The following FAM185A variants were observed in gnomAD, a reference collection of about 807,000 sequenced individuals.
FAM185A encodes protein FAM185A.
In FAM185A, 21 loss-of-function variants were observed where a neutral mutation model predicts 45.7. The ratio of observed to expected loss-of-function variants is 0.46; its 90% CI spans 0.33 to 0.66. The LOEUF is 0.66. Among genes scored for constraint, FAM185A ranks in the 30% least tolerant of loss-of-function variants. The pLI is 0.03. For missense variants in FAM185A, 305 were observed against 485.4 expected, an observed-to-expected ratio of 0.63 and a Z score of 3.49; for synonymous variants, 117 against 194.0, an observed-to-expected ratio of 0.60 and a Z score of 3.30.
chr7:102,767,463 A>G (rs1025785449), intron 4 of FAM185A, among the ~76,000 whole-genome samples: 3 of 152,228 alleles, frequency 2.0e-5, no homozygotes, highest in African/African-American at 7.2e-5. Context: ...GAAGAGAGGC[A>G]CACAAATATT....
chr7:102,790,174 C>G (rs1465722156), intron 7 of FAM185A, among the ~76,000 whole-genome samples: 1 of 152,114 alleles, frequency 6.6e-6, no homozygotes, highest in East Asian at 1.9e-4. Context: ...TTCTCATTAT[C>G]AAGTATTATG....
At chr7:102,770,697 T>C (rs1278801479) in intron 4 of FAM185A, among the ~76,000 whole-genome samples, 4 of 151,750 alleles carry the variant, frequency 2.6e-5, no homozygotes, top group African/African-American at 9.7e-5. Context: ...TAAAAATAAG[T>C]AAAAAAACAA....
chr7:102,788,765 C>T (rs1171295937), intron 7 of FAM185A, among the ~76,000 whole-genome samples: 1 of 152,172 alleles, frequency 6.6e-6, no homozygotes, highest in Non-Finnish European at 1.5e-5. Flanking sequence ...GTACAGCCTA[C>T]TATACACCGA....
At chr7:102,805,719 T>G (rs1239360401) in intron 7 of FAM185A, among the ~76,000 whole-genome samples, 1 of 151,272 alleles carries the variant, frequency 6.6e-6, no homozygotes, top group African/African-American at 2.4e-5. Flanking sequence ...AAAATAAAGG[T>G]GGGGAGGCAG....
chr7:102,789,078 A>G (rs1316788023), intron 7 of FAM185A, among the ~76,000 whole-genome samples: 1 of 152,128 alleles, frequency 6.6e-6, no homozygotes, highest in Non-Finnish European at 1.5e-5. Flanking sequence ...CACTAAATTT[A>G]TTTTTAAGTT....
At chr7:102,826,694 C>T in the FAM185A span, among the ~76,000 whole-genome samples, 2 of 130,536 alleles carry the variant, frequency 1.5e-5, no homozygotes, top group South Asian at 2.4e-4. Flanking sequence ...CACTATACTA[C>T]AGCCTGGGAG....
At chr7:102,754,735 A>G (rs1478581848) in intron 2 of FAM185A, among the ~76,000 whole-genome samples, 1 of 152,272 alleles carries the variant, frequency 6.6e-6, no homozygotes, top group African/African-American at 2.4e-5. Context: ...TTGTCCTGAC[A>G]AAACATATGG....
chr7:102,752,269 T>A lies in FAM185A; in HGVS notation c.561+468T>A, dbSNP rs555736017. 7.6e-5 allele frequency among the ~76,000 whole-genome samples: 11 copies of A among 144,094 alleles called. No individual in the cohort carries two copies. The East Asian group carries it at 2.2e-3, about 29-fold the overall frequency. 94.5% of individuals were successfully genotyped at this position (144,094 alleles called of 152,430 possible). On this transcript the variant is annotated intron_variant, in intron 2 of 7. Transcript: ENST00000413034. ...CATATGATTCATCTTGTTTTGTAATTAAAATTTTTTTTTTTTTTTTTGAGA... is the reference window on the plus strand; with the variant it reads ...CATATGATTCATCTTGTTTTGTAATAAAAATTTTTTTTTTTTTTTTTGAGA...
intron 4 of FAM185A, 145 bp downstream of exon 4, chr7:102,761,556 A>G: frequency 2.9e-6 from 2 of 687,070 alleles, no homozygotes; most frequent in Non-Finnish European, 2.1e-6. Context: ...AAAAAAAACC[A>G]TAAAAATAAA....
intron 4 of FAM185A, among the ~76,000 whole-genome samples, chr7:102,766,123 G>A (rs2537449): frequency 0.099 from 15,019 of 151,812 alleles, 101 homozygotes; most frequent in Non-Finnish European, 0.15. Flanking sequence ...GGTTTGCTAG[G>A]ATTGGTTTTA....
Position 102,749,166 on chromosome 7 carries a change from C to T in FAM185A, c.-42C>T. ...GATTGGCCGTGGCAAGTGACCCTCC[C>T]TGTGGCTGAAGTGTTCTGAGGACTG... On this transcript the variant is annotated 5_prime_UTR_variant, in exon 1 of 8. Transcript: ENST00000413034. 6.4e-7 allele frequency: 1 copy of T among 1,550,968 alleles called. No individual in the cohort carries two copies. The highest frequency in any genetic ancestry group is 8.7e-7 in the Non-Finnish European group (1 of 1,146,830).
At chr7:102,789,418 A>G (rs1419600611) in intron 7 of FAM185A, among the ~76,000 whole-genome samples, 1 of 152,222 alleles carries the variant, frequency 6.6e-6, no homozygotes, top group Admixed American at 6.5e-5. Context: ...ATTTTAAAAA[A>G]TTTTTTGAGG....
chr7:102,795,944 C>A (rs1412230499), intron 7 of FAM185A, among the ~76,000 whole-genome samples: 2 of 152,208 alleles, frequency 1.3e-5, no homozygotes, highest in Admixed American at 6.5e-5. Flanking sequence ...TGTAACCCAC[C>A]CAACAGGTTC....
chr7:102,768,842 TGCTTTATTGGAAAGAA>T (rs1315312581), intron 4 of FAM185A, among the ~76,000 whole-genome samples: 1 of 152,136 alleles, frequency 6.6e-6, no homozygotes, highest in Non-Finnish European at 1.5e-5. Context: ...ATCTGGTGTC[TGCTTTATTGGAAAGAA>T]GCTTTTACTA....
At chr7:102,802,779 A>G (rs184328057) in intron 7 of FAM185A, among the ~76,000 whole-genome samples, 1 of 152,262 alleles carries the variant, frequency 6.6e-6, no homozygotes, top group East Asian at 1.9e-4. Flanking sequence ...CCTTGAAAAG[A>G]TAAATAAACT....
chr7:102,795,319 C>T (rs1796383763), intron 7 of FAM185A, among the ~76,000 whole-genome samples: 3 of 151,996 alleles, frequency 2.0e-5, no homozygotes, highest in Admixed American at 1.3e-4. Context: ...TTTGTAACTT[C>T]TTGTCAGTAT....
At chr7:102,813,389 A>G (rs1241170831), downstream of FAM185A, 1 of 1,613,990 alleles carries the variant, frequency 6.2e-7, no homozygotes, top group South Asian at 1.1e-5. Context: ...TTCACTGTTA[A>G]TTCTAAGGCT....
Position 102,796,788 on chromosome 7 carries a change from A to G in FAM185A, c.1066+9319A>G, listed in dbSNP as rs547152906. On this transcript the variant is annotated intron_variant, in intron 7 of 7. Transcript: ENST00000413034. The stretch of plus-strand genomic sequence containing the variant: ...ACCGAATTAGCAGAGAAGGAAAATA[A>G]AAGTTATTATAACTGTATTGCACTT... Among the ~76,000 whole-genome samples the G allele has an allele frequency of 3.9e-5, 6 of 152,320 alleles. No individual in the cohort carries two copies. The South Asian group carries it at 1.2e-3, about 32-fold the overall frequency.
At chr7:102,781,956 C>T (rs1454158196) in intron 6 of FAM185A, among the ~76,000 whole-genome samples, 1 of 152,012 alleles carries the variant, frequency 6.6e-6, no homozygotes, top group Non-Finnish European at 1.5e-5. Context: ...AGAGAAGTCC[C>T]TAAAGGACCT....
Sources: allele counts gnomAD v4.1 joint callset (sites outside exome capture counted in the v4.1 genomes callset), GRCh38; gene constraint gnomAD v4.1.1; transcripts MANE v1.5; gene names NCBI Gene and HGNC (gene_info 2026-07-23, HGNC 2026-07-21).